The following OSTN variants were observed in gnomAD, a reference collection of about 807,000 sequenced individuals.
The protein encoded by OSTN is osteocrin.
Under a neutral mutation model 12.0 loss-of-function variants are expected in OSTN, and 9 were observed. That is an observed-to-expected ratio of 0.75 (90% CI 0.45 to 1.30). OSTN has a LOEUF of 1.30. Among genes scored for constraint, OSTN ranks in the 50% most tolerant of loss-of-function variants. The probability of loss-of-function intolerance (pLI) is 0.00; values close to 1 mark genes in which losing one functional copy is unlikely to be tolerated. For synonymous variants in OSTN, 59 were observed against 56.9 expected (o/e 1.04, Z -0.16); for missense variants, 148 against 152.3 (o/e 0.97, Z 0.15).
intron 3 of OSTN, among the ~76,000 whole-genome samples, chr3:191,228,003 A>C (rs1016632896): frequency 6.6e-6 from 1 of 152,194 alleles, no homozygotes; most frequent in Non-Finnish European, 1.5e-5. Context: ...ATTATCAAAT[A>C]AATACATATT....
chr3:191,255,052 T>G (rs775600898), intron 4 of OSTN, among the ~76,000 whole-genome samples: 1 of 152,170 alleles, frequency 6.6e-6, no homozygotes, highest in African/African-American at 2.4e-5. Context: ...GGAAGACAAT[T>G]TTTCCAAGGA....
At chr3:191,253,256 C>T (rs768495469) in intron 4 of OSTN, among the ~76,000 whole-genome samples, 32 of 152,236 alleles carry the variant, frequency 2.1e-4, no homozygotes, top group Non-Finnish European at 3.4e-4. Flanking sequence ...TTTCATCTTC[C>T]GGGTTTCACT....
intron 3 of OSTN, among the ~76,000 whole-genome samples, chr3:191,241,967 A>G (rs975215738): frequency 4.6e-5 from 7 of 152,218 alleles, no homozygotes; most frequent in Non-Finnish European, 1.0e-4. Context: ...CAGATAGAAA[A>G]TTCCTACCAA....
intron 3 of OSTN, among the ~76,000 whole-genome samples, chr3:191,237,706 G>A (rs1715228663): frequency 6.6e-6 from 1 of 152,224 alleles, no homozygotes; most frequent in Admixed American, 6.5e-5. Context: ...TCAGGAAGAT[G>A]CCAATCACCA....
chr3:191,207,984 T>C (rs1182016470), intron 1 of OSTN, among the ~76,000 whole-genome samples: 1 of 152,214 alleles, frequency 6.6e-6, no homozygotes, highest in Non-Finnish European at 1.5e-5. Flanking sequence ...AGCAGAATTA[T>C]TTAAAACGTC....
intron 3 of OSTN, among the ~76,000 whole-genome samples, chr3:191,243,002 C>A (rs1178424862): frequency 6.6e-6 from 1 of 151,304 alleles, no homozygotes; most frequent in Non-Finnish European, 1.5e-5. Flanking sequence ...GCAGCAGATT[C>A]AAACAGGCAC....
intron 4 of OSTN, among the ~76,000 whole-genome samples, chr3:191,262,022 G>T (rs555631462): frequency 1.2e-4 from 18 of 152,228 alleles, no homozygotes; most frequent in African/African-American, 4.3e-4. Flanking sequence ...TTTGAGACCC[G>T]CCCGGCGAAC....
chr3:191,235,582 G>A (rs1046778489), intron 3 of OSTN, among the ~76,000 whole-genome samples: 2 of 152,192 alleles, frequency 1.3e-5, no homozygotes, highest in African/African-American at 4.8e-5. Context: ...CCCCCAGTGC[G>A]AATAGTAACA....
chr3:191,233,813 G>T (rs1715120761), intron 3 of OSTN, among the ~76,000 whole-genome samples: 1 of 152,148 alleles, frequency 6.6e-6, no homozygotes, highest in African/African-American at 2.4e-5. Flanking sequence ...GACCAACATG[G>T]TGAAACACCA....
intron 3 of OSTN, among the ~76,000 whole-genome samples, chr3:191,236,736 G>C (rs1715202090): frequency 6.6e-6 from 1 of 152,042 alleles, no homozygotes; most frequent in Non-Finnish European, 1.5e-5. Context: ...TTCTGGACCT[G>C]CTAAGTCCTG....
chr3:191,248,792 CA>C (rs1363043941), intron 3 of OSTN, among the ~76,000 whole-genome samples: 1 of 151,988 alleles, frequency 6.6e-6, no homozygotes, highest in African/African-American at 2.4e-5. Flanking sequence ...GCAAAGAATT[CA>C]AAAAAATTAA....
chr3:191,235,098 C>A (rs374626332), intron 3 of OSTN, among the ~76,000 whole-genome samples: 2 of 152,116 alleles, frequency 1.3e-5, no homozygotes, highest in African/African-American at 4.8e-5. Context: ...TCAGAAAAAA[C>A]AGCTTTTCCT....
chr3:191,218,579 C>T (rs193144487), intron 2 of OSTN, among the ~76,000 whole-genome samples, 168 bp from the exon 3 acceptor site: 7 of 152,270 alleles, frequency 4.6e-5, no homozygotes, highest in South Asian at 2.1e-4. Context: ...GCCGAGATCA[C>T]GCCATTGCAC....
intron 3 of OSTN, among the ~76,000 whole-genome samples, chr3:191,228,136 T>A (rs9290980): frequency 6.6e-6 from 1 of 152,038 alleles, no homozygotes; most frequent in South Asian, 2.1e-4. Flanking sequence ...ATTGTCATAC[T>A]TTAGCTAATC....
chr3:191,253,170 C>T (rs1030469542), intron 4 of OSTN, among the ~76,000 whole-genome samples: 7 of 152,170 alleles, frequency 4.6e-5, no homozygotes, highest in Admixed American at 1.3e-4. Flanking sequence ...AATGGTATCT[C>T]GCACTTTACA....
chr3:191,221,001 G>A (rs1216656467), intron 3 of OSTN, among the ~76,000 whole-genome samples: 1 of 152,178 alleles, frequency 6.6e-6, no homozygotes, highest in East Asian at 1.9e-4. Context: ...GGACCCAGGG[G>A]AAGGTAATTG....
chr3:191,243,622 A>G (rs966595418), intron 3 of OSTN, among the ~76,000 whole-genome samples: 3 of 152,134 alleles, frequency 2.0e-5, no homozygotes, highest in Non-Finnish European at 4.4e-5. Context: ...ATGTTCTGAT[A>G]TATGTACACA....
chr3:191,210,215 A>G (rs147390053), intron 1 of OSTN, among the ~76,000 whole-genome samples: 1 of 152,180 alleles, frequency 6.6e-6, no homozygotes, highest in Non-Finnish European at 1.5e-5. Context: ...CACTCTCAGG[A>G]GAGAACAGCA....
At chr3:191,250,516 A>T (rs567507760) in intron 4 of OSTN, among the ~76,000 whole-genome samples, 6 of 152,200 alleles carry the variant, frequency 3.9e-5, no homozygotes, top group Non-Finnish European at 8.8e-5. Flanking sequence ...GATACACATC[A>T]TTTTGTTGTC....
Sources: allele counts gnomAD v4.1 joint callset (sites outside exome capture counted in the v4.1 genomes callset), GRCh38; gene constraint gnomAD v4.1.1; transcripts MANE v1.5; gene names NCBI Gene and HGNC (gene_info 2026-07-23, HGNC 2026-07-21).